Variants in RBFOX3 observed in about 807,000 individuals in gnomAD.
The protein encoded by RBFOX3 is RNA binding protein fox-1 homolog 3.
Under a neutral mutation model 48.7 loss-of-function variants are expected in RBFOX3, and 17 were observed. The ratio of observed to expected loss-of-function variants is 0.35; its 90% CI spans 0.24 to 0.52. The LOEUF (loss-of-function observed/expected upper bound fraction) is 0.52. Among genes scored for constraint, RBFOX3 ranks in the 20% least tolerant of loss-of-function variants. The pLI, the probability that RBFOX3 is intolerant of heterozygous loss-of-function variation, is 0.94. For synonymous variants in RBFOX3, 212 were observed against 209.5 expected, an observed-to-expected ratio of 1.01 and a Z score of -0.10; for missense variants, 382 against 497.5, an observed-to-expected ratio of 0.77 and a Z score of 2.21.
At chr17:79,548,956 G>T (rs2090847744) in intron 1 of RBFOX3, among the ~76,000 whole-genome samples, 1 of 152,248 alleles carries the variant, frequency 6.6e-6, no homozygotes, top group South Asian at 2.1e-4. Context: ...TGACTGTAAG[G>T]CACTTTGCTG....
chr17:79,399,805 C>A (rs1009934743), intron 2 of RBFOX3, among the ~76,000 whole-genome samples: 2 of 152,240 alleles, frequency 1.3e-5, no homozygotes, highest in African/African-American at 2.4e-5. Flanking sequence ...CGGGCGCTCC[C>A]GTCTTCAGCA....
chr17:79,552,867 A>G (rs1196171259), intron 1 of RBFOX3, among the ~76,000 whole-genome samples: 3 of 152,204 alleles, frequency 2.0e-5, no homozygotes, highest in Non-Finnish European at 2.9e-5. Context: ...GCATACATGC[A>G]TACATAGGAT....
chr17:79,403,968 C>T (rs535600317), intron 2 of RBFOX3, among the ~76,000 whole-genome samples: 27 of 152,098 alleles, frequency 1.8e-4, no homozygotes, highest in African/African-American at 5.8e-4. Flanking sequence ...TTAGTAGAGA[C>T]GGGGTTTCAC....
intron 3 of RBFOX3, among the ~76,000 whole-genome samples, chr17:79,295,740 G>C (rs2074235980): frequency 6.6e-6 from 1 of 152,152 alleles, no homozygotes; most frequent in African/African-American, 2.4e-5. Context: ...CACAAGGATG[G>C]ATGAGCCAAG....
At chr17:79,226,863 AT>A (rs2060368186) in intron 4 of RBFOX3, among the ~76,000 whole-genome samples, 1 of 152,156 alleles carries the variant, frequency 6.6e-6, no homozygotes, top group Non-Finnish European at 1.5e-5. Flanking sequence ...AGGCTGGCAA[AT>A]TTCTACACCA....
chr17:79,608,408 G>A (rs1305744384), intron 1 of RBFOX3, among the ~76,000 whole-genome samples: 1 of 152,204 alleles, frequency 6.6e-6, no homozygotes, highest in Non-Finnish European at 1.5e-5. Context: ...GTGGGCACGG[G>A]TCTCTCTAGG....
intron 1 of RBFOX3, among the ~76,000 whole-genome samples, chr17:79,565,774 G>T (rs947435963): frequency 2.0e-3 from 302 of 152,210 alleles, no homozygotes; most frequent in African/African-American, 6.7e-3. Flanking sequence ...GTAGAGCAGG[G>T]TCTCCTCCTT....
chr17:79,563,266 T>A (rs914103451), intron 1 of RBFOX3, among the ~76,000 whole-genome samples: 1 of 150,448 alleles, frequency 6.6e-6, no homozygotes, highest in African/African-American at 2.4e-5. Flanking sequence ...GAATGTTCAA[T>A]GAGAAGGAAG....
upstream of RBFOX3, among the ~76,000 whole-genome samples, chr17:79,615,408 G>A (rs943448986): frequency 1.4e-3 from 211 of 152,238 alleles, no homozygotes; most frequent in Non-Finnish European, 1.8e-3. Context: ...AGCGGGCAGG[G>A]ATCCACATAG....
At chr17:79,592,603 G>A (rs1458003008) in intron 1 of RBFOX3, among the ~76,000 whole-genome samples, 3 of 151,990 alleles carry the variant, frequency 2.0e-5, no homozygotes, top group African/African-American at 7.3e-5. Context: ...GCAGGGAGTG[G>A]TTCCCTCCCC....
intron 9 of RBFOX3, chr17:79,098,294 C>T (rs757941408): frequency 2.6e-5 from 4 of 154,306 alleles, no homozygotes; most frequent in Admixed American, 6.4e-5. Context: ...CCGTCCTCAT[C>T]TTCCCCCAGA....
rs887991261 is a variant in RBFOX3, at chr17:79,390,413, C to T, written c.-174-82589G>A. On this transcript the variant is annotated intron_variant, in intron 2 of 14. Transcript: ENST00000693108. The surrounding 1 kb of genome is among the most constrained non-coding windows in gnomAD (Gnocchi z 4.2). ...CATTCGGGGCTCAGCCCCATCTGCC[C>T]ACTTTGGTGCTGGAAAATGCACTCA... Among the ~76,000 whole-genome samples the T allele has an allele frequency of 1.3e-5, 2 of 152,186 alleles. No individual in the cohort carries two copies. Among genetic ancestry groups the T allele is most frequent in the East Asian group, 1.9e-4 (1 of 5,206 alleles).
intron 4 of RBFOX3, among the ~76,000 whole-genome samples, chr17:79,228,796 G>T (rs2060636936): frequency 6.6e-6 from 1 of 152,162 alleles, no homozygotes; most frequent in African/African-American, 2.4e-5. Context: ...CCTAACTGAT[G>T]CGCTAGTCCA....
intron 2 of RBFOX3, among the ~76,000 whole-genome samples, chr17:79,327,333 G>A (rs2079488787): frequency 6.6e-6 from 1 of 152,284 alleles, no homozygotes; most frequent in Non-Finnish European, 1.5e-5. Context: ...GGAGTCCTTG[G>A]CAACCTCACC....
Position 79,204,001 on chromosome 17 carries a change from CG to C in RBFOX3, c.-34+31764del, listed in dbSNP as rs2057158985. Among the ~76,000 whole-genome samples the C allele has an allele frequency of 6.6e-6, 1 of 152,140 alleles. No homozygotes were observed. Among genetic ancestry groups the C allele is most frequent in the South Asian group, 2.1e-4 (1 of 4,830 alleles). The stretch of plus-strand genomic sequence containing the variant: ...ACTTTGCACCCCTAAATTCCCTGAA[CG>C]CTCTGGGCTGGTGGAAGTGGCCCCT... On this transcript the variant is annotated intron_variant, in intron 4 of 14. Coordinates refer to ENST00000693108, the MANE Select transcript of RBFOX3 (RefSeq NM_001350451.2). This position sits in a 1 kb window ranked among gnomAD's most constrained non-coding sequence, Gnocchi z 4.5.
chr17:79,358,406 T>C (rs1214808602), intron 2 of RBFOX3, among the ~76,000 whole-genome samples: 3 of 152,120 alleles, frequency 2.0e-5, no homozygotes, highest in Non-Finnish European at 4.4e-5. Flanking sequence ...TCAGGCAAAA[T>C]CCCACCTCCT....
At chr17:79,643,596 T>C in the RBFOX3 span, among the ~76,000 whole-genome samples, 4 of 152,180 alleles carry the variant, frequency 2.6e-5, no homozygotes, top group African/African-American at 9.6e-5. Context: ...ATATGTTTTC[T>C]GACCACACGG....
At chr17:79,606,212 AC>A (rs1475001589) in intron 1 of RBFOX3, among the ~76,000 whole-genome samples, 1 of 152,218 alleles carries the variant, frequency 6.6e-6, no homozygotes, top group Admixed American at 6.5e-5. Flanking sequence ...CACGTGTCTT[AC>A]AGGTAAGGGC....
In RBFOX3 at chr17:79,090,892, C is replaced by T; in HGVS notation, c.1078-7G>A. The T allele has an allele frequency of 2.0e-6, 3 of 1,535,548 alleles. No homozygotes were observed. Among genetic ancestry groups the T allele is most frequent in the Non-Finnish European group, 2.6e-6 (3 of 1,141,232 alleles). On this transcript the variant is annotated splice_polypyrimidine_tract_variant and splice_region_variant and intron_variant, in intron 14 of 14. Coordinates refer to ENST00000693108, the MANE Select transcript of RBFOX3 (RefSeq NM_001350451.2). ...GAAACGGTGGAAGGTTTCACTACAACAGAAACAGAAAGGCAGGACTTGCAG... is the reference window on the plus strand; with the variant it reads ...GAAACGGTGGAAGGTTTCACTACAATAGAAACAGAAAGGCAGGACTTGCAG...
Sources: gnomAD v4.1 joint callset for allele counts (sites outside exome capture counted in the v4.1 genomes callset) on GRCh38, gnomAD v4.1.1 for gene constraint, Gnocchi (gnomAD v3.1) non-coding constraint, MANE v1.5 for transcripts, NCBI Gene and HGNC (gene_info 2026-07-23, HGNC 2026-07-21) for gene names.